The following CPQ variants were observed in gnomAD, a reference collection of about 807,000 sequenced individuals.
CPQ encodes the protein Ser-Met dipeptidase.
A neutral mutation model predicts 45.7 loss-of-function variants in CPQ; 37 were observed. The observed-to-expected ratio is 0.81, with a 90% CI of 0.62 to 1.07. CPQ has a LOEUF of 1.07. Among genes scored for constraint, CPQ ranks in the 50% least tolerant of loss-of-function variants. The pLI is 0.00. For synonymous variants in CPQ, 186 were observed against 205.8 expected (o/e 0.90, Z 0.82); for missense variants, 537 against 572.9 (o/e 0.94, Z 0.64).
At chr8:96,715,982 A>C (rs1809668148) in intron 1 of CPQ, among the ~76,000 whole-genome samples, 1 of 152,220 alleles carries the variant, frequency 6.6e-6, no homozygotes, top group African/African-American at 2.4e-5. Flanking sequence ...GTGGCAGGGG[A>C]GTGACATAGA....
chr8:96,999,604 TGGG>T (rs1809235452), intron 5 of CPQ, among the ~76,000 whole-genome samples: 1 of 152,086 alleles, frequency 6.6e-6, no homozygotes, highest in Non-Finnish European at 1.5e-5. Flanking sequence ...TATTCCATGG[TGGG>T]TATGTACCAC....
intron 7 of CPQ, among the ~76,000 whole-genome samples, chr8:97,104,783 G>A (rs895160531): frequency 2.6e-5 from 4 of 152,148 alleles, no homozygotes; most frequent in Non-Finnish European, 5.9e-5. Context: ...CTGGGCATAG[G>A]ACTATTTAGA....
At chr8:96,684,557 C>T (rs113128396) in intron 1 of CPQ, among the ~76,000 whole-genome samples, 3,691 of 152,156 alleles carry the variant, frequency 0.024, 166 homozygotes, top group African/African-American at 0.084. Context: ...TGGGTGGGAT[C>T]GGCTTGTCTT....
At chr8:96,970,454 A>G (rs1227846772) in intron 5 of CPQ, among the ~76,000 whole-genome samples, 1 of 152,162 alleles carries the variant, frequency 6.6e-6, no homozygotes, top group Non-Finnish European at 1.5e-5. Flanking sequence ...TGTTATATTC[A>G]TTTTACAGAA....
chr8:97,048,776 A>T (rs192863801), intron 6 of CPQ, among the ~76,000 whole-genome samples: 2 of 152,314 alleles, frequency 1.3e-5, no homozygotes, highest in East Asian at 3.9e-4. Context: ...CAAAAATTTA[A>T]CAAATTGTTG....
intron 7 of CPQ, among the ~76,000 whole-genome samples, chr8:97,105,629 C>T (rs1212642812): frequency 6.6e-6 from 1 of 152,130 alleles, no homozygotes; most frequent in Non-Finnish European, 1.5e-5. Flanking sequence ...TTGCTTAATC[C>T]TTAGTATTGT....
At chr8:96,943,342 T>A (rs145846568) in intron 4 of CPQ, among the ~76,000 whole-genome samples, 1 of 152,194 alleles carries the variant, frequency 6.6e-6, no homozygotes, top group Non-Finnish European at 1.5e-5. Flanking sequence ...TCCTATATAC[T>A]ATTTTCTCTG....
At chr8:96,765,048 T>A (rs1810449729) in intron 1 of CPQ, among the ~76,000 whole-genome samples, 1 of 152,204 alleles carries the variant, frequency 6.6e-6, no homozygotes, top group South Asian at 2.1e-4. Context: ...GAAAGAATAG[T>A]AACTAGAAGC....
At chr8:97,078,069 G>A (rs1810878711) in intron 7 of CPQ, among the ~76,000 whole-genome samples, 3 of 152,098 alleles carry the variant, frequency 2.0e-5, no homozygotes, top group African/African-American at 7.2e-5. Context: ...ATTAACTGAT[G>A]GATTTAAAAA....
intron 2 of CPQ, among the ~76,000 whole-genome samples, chr8:96,787,830 AT>A (rs772049758): frequency 7.4e-5 from 4 of 54,090 alleles, no homozygotes. Context: ...AAGTCATGTA[AT>A]TTGTTGGTAT....
chr8:97,081,898 T>G (rs1233545744), intron 7 of CPQ, among the ~76,000 whole-genome samples: 1 of 152,142 alleles, frequency 6.6e-6, no homozygotes. Flanking sequence ...TCTTCCTAAA[T>G]AAAATAGTAA....
intron 1 of CPQ, among the ~76,000 whole-genome samples, chr8:96,716,449 C>A (rs1192738611): frequency 6.6e-6 from 1 of 152,194 alleles, no homozygotes. Flanking sequence ...TACACTACTA[C>A]ACTGAATGTG....
intron 5 of CPQ, among the ~76,000 whole-genome samples, chr8:96,978,433 T>C (rs916998596): frequency 1.3e-4 from 20 of 152,206 alleles, no homozygotes; most frequent in African/African-American, 4.6e-4. Flanking sequence ...TCCATAGTCA[T>C]TTTAGAGCCT....
intron 5 of CPQ, among the ~76,000 whole-genome samples, chr8:96,996,172 G>C (rs1809175696): frequency 6.6e-6 from 1 of 152,042 alleles, no homozygotes; most frequent in Non-Finnish European, 1.5e-5. Context: ...GCTGATTTTA[G>C]TAAGAATAGA....
intron 6 of CPQ, among the ~76,000 whole-genome samples, chr8:97,039,335 C>A (rs1563562059): frequency 6.6e-6 from 1 of 152,078 alleles, no homozygotes; most frequent in Non-Finnish European, 1.5e-5. Flanking sequence ...AATGAACATT[C>A]CAATACATTT....
At position 96,964,883 on chromosome 8, in the gene CPQ, A is replaced by AT. The variant is rs376693714; in HGVS notation, c.850-1044dup. ...GTATGTTTTATAATGATCAAGATAC[A>AT]TTTTTTTTCAAACCAATATTCTATA... On this transcript the variant is annotated intron_variant, in intron 4 of 7. Coordinates refer to ENST00000220763, the MANE Select transcript of CPQ (RefSeq NM_016134.4). Among the ~76,000 whole-genome samples, 3 of 151,858 alleles carry AT rather than the reference A, an allele frequency of 2.0e-5. No individual in the cohort carries two copies. The East Asian group carries it at 5.8e-4, about 29-fold the overall frequency.
chr8:96,775,408 G>A (rs1810592825), intron 1 of CPQ, among the ~76,000 whole-genome samples: 1 of 152,096 alleles, frequency 6.6e-6, no homozygotes, highest in Non-Finnish European at 1.5e-5. Flanking sequence ...GACTGCACTA[G>A]AAGACATAAT....
chr8:96,879,583 T>C (rs918239949), intron 3 of CPQ, among the ~76,000 whole-genome samples: 3 of 152,232 alleles, frequency 2.0e-5, no homozygotes, highest in Non-Finnish European at 2.9e-5. Context: ...AATTTACATA[T>C]GATGATTATT....
At chr8:97,119,665 G>A (rs1485077715) in intron 7 of CPQ, among the ~76,000 whole-genome samples, 1 of 152,152 alleles carries the variant, frequency 6.6e-6, no homozygotes, top group Non-Finnish European at 1.5e-5. Context: ...ATGTACCTCA[G>A]TGGGGGATTA....
Sources: gnomAD v4.1 joint callset for allele counts (sites outside exome capture counted in the v4.1 genomes callset) on GRCh38, gnomAD v4.1.1 for gene constraint, MANE v1.5 for transcripts, NCBI Gene and HGNC (gene_info 2026-07-23, HGNC 2026-07-21) for gene names.